Variants in LRTM3 observed in about 807,000 individuals in gnomAD.
LRTM3 encodes leucine rich repeat transmembrane protein 3, also known as leucine-rich repeat transmembrane protein 3.
At chr13:102,741,347 T>A in the LRTM3 span, 1 of 1,549,294 alleles carries the variant, frequency 6.5e-7, no homozygotes, top group Non-Finnish European at 8.7e-7. Flanking sequence ...AGATTCAGAA[T>A]CCAGAATACT....
the LRTM3 span, chr13:102,743,761 G>A: frequency 6.5e-7 from 1 of 1,550,260 alleles, no homozygotes; most frequent in African/African-American, 1.4e-5. Flanking sequence ...ACTCTCTATT[G>A]ATTTTATGTA....
chr13:102,746,651 A>C, the LRTM3 span: 137 of 1,551,046 alleles, frequency 8.8e-5, no homozygotes, highest in Non-Finnish European at 1.1e-4. Context: ...TCTCTTTTTC[A>C]TCACTTTAGA....
the LRTM3 span, among the ~76,000 whole-genome samples, chr13:102,753,024 G>A: frequency 4.6e-5 from 7 of 152,120 alleles, no homozygotes; most frequent in African/African-American, 1.2e-4. Flanking sequence ...ATGCACATGC[G>A]TGTTTATTGC....
the LRTM3 span, chr13:102,740,547 CTT>C: frequency 2.6e-6 from 4 of 1,549,330 alleles, no homozygotes; most frequent in African/African-American, 5.5e-5. Flanking sequence ...TTGAGTAAGT[CTT>C]GTCTTTTTTT....
chr13:102,754,145 C>G, the LRTM3 span, among the ~76,000 whole-genome samples: 1 of 139,690 alleles, frequency 7.2e-6, no homozygotes, highest in Admixed American at 7.9e-5. Flanking sequence ...ATGAAGGTTG[C>G]AGTGAGCCGA....
chr13:102,743,976 G>T, the LRTM3 span: 2 of 1,550,174 alleles, frequency 1.3e-6, no homozygotes, highest in South Asian at 1.2e-5. Context: ...TCCAGATTTT[G>T]TCGGCGTGTT....
At chr13:102,741,663 G>C in the LRTM3 span, 1 of 1,550,366 alleles carries the variant, frequency 6.5e-7, no homozygotes, top group Non-Finnish European at 8.7e-7. Flanking sequence ...GTCTTCTGTT[G>C]AGAAGTATCC....
chr13:102,748,552 T>C, the LRTM3 span: 1 of 1,550,804 alleles, frequency 6.4e-7, no homozygotes, highest in South Asian at 1.2e-5. Context: ...GGTCCTCCTG[T>C]ATTTTCATTC....
chr13:102,743,881 A>G, the LRTM3 span: 1 of 1,550,684 alleles, frequency 6.4e-7, no homozygotes, highest in South Asian at 1.2e-5. Flanking sequence ...AGTCAGATAA[A>G]ACAGGCATGA....
At chr13:102,746,701 C>T in the LRTM3 span, 86 of 1,550,906 alleles carry the variant, frequency 5.5e-5, no homozygotes, top group African/African-American at 9.2e-4. Flanking sequence ...AAGTCTCTGG[C>T]GAAGTTGCTG....
chr13:102,738,464 C>G, the LRTM3 span: 2 of 1,550,712 alleles, frequency 1.3e-6, no homozygotes, highest in Non-Finnish European at 1.7e-6. Flanking sequence ...ACTTGGTTCA[C>G]CTTTAATATG....
chr13:102,736,323 C>T, the LRTM3 span: 168 of 1,550,952 alleles, frequency 1.1e-4, no homozygotes, highest in Non-Finnish European at 1.4e-4. Context: ...GGACTGTGCT[C>T]AGTGATGCTG....
the LRTM3 span, chr13:102,737,724 C>G: frequency 6.5e-6 from 10 of 1,550,346 alleles, no homozygotes; most frequent in Non-Finnish European, 8.7e-6. Flanking sequence ...ACTTCACTTG[C>G]GCTATCACCC....
the LRTM3 span, chr13:102,749,786 GC>G: frequency 6.4e-7 from 1 of 1,551,310 alleles, no homozygotes; most frequent in Non-Finnish European, 8.7e-7. Context: ...ATTCTGAAAA[GC>G]ATTTTGTCCT....
the LRTM3 span, chr13:102,744,772 A>G: frequency 1.3e-6 from 2 of 1,550,580 alleles, no homozygotes; most frequent in Non-Finnish European, 8.7e-7. Context: ...TGTTCATTGC[A>G]TTACTAGATC....
the LRTM3 span, chr13:102,748,842 T>C: frequency 2.0e-4 from 315 of 1,550,596 alleles, 1 homozygote; most frequent in Non-Finnish European, 2.5e-4. Flanking sequence ...TTTGGTGAAA[T>C]GTTTTTTAGT....
the LRTM3 span, chr13:102,750,147 C>A: frequency 6.4e-7 from 1 of 1,551,164 alleles, no homozygotes; most frequent in Non-Finnish European, 8.7e-7. Context: ...TATTCTCTGT[C>A]TGGATGCTCT....
At chr13:102,747,991 T>C in the LRTM3 span, 474 of 1,550,984 alleles carry the variant, frequency 3.1e-4, no homozygotes, top group Non-Finnish European at 2.3e-4. Context: ...GTTGTGGCTT[T>C]TTAAATGTAC....
At chr13:102,734,694 G>A in the LRTM3 span, 13 of 1,551,040 alleles carry the variant, frequency 8.4e-6, no homozygotes, top group East Asian at 9.8e-5. Context: ...GATATTCTCC[G>A]CAAAATAGGT....
Sources: gnomAD v4.1 joint callset for allele counts (sites outside exome capture counted in the v4.1 genomes callset) on GRCh38, gnomAD v4.1.1 for gene constraint, MANE v1.5 for transcripts, NCBI Gene and HGNC (gene_info 2026-07-23, HGNC 2026-07-21) for gene names.